Variants in CDH4 observed in about 807,000 individuals in gnomAD.
CDH4 encodes the protein cadherin-4.
CDH4 carries 33 observed loss-of-function variants against 86.0 expected under a neutral mutation model. The ratio of observed to expected loss-of-function variants is 0.38; its 90% confidence interval spans 0.29 to 0.51. The LOEUF (loss-of-function observed/expected upper bound fraction) is 0.51. Among genes scored for constraint, CDH4 ranks in the 20% least tolerant of loss-of-function variants. The probability of loss-of-function intolerance (pLI) is 0.86; values close to 1 mark genes in which losing one functional copy is unlikely to be tolerated. For missense variants in CDH4, 1,114 were observed against 1,307.4 expected (o/e 0.85, Z 2.28); for synonymous variants, 555 against 549.4 (o/e 1.01, Z -0.14).
At chr20:61,821,030 C>A (rs1295149006) in intron 4 of CDH4, among the ~76,000 whole-genome samples, 8 of 151,234 alleles carry the variant, frequency 5.3e-5, no homozygotes, top group Non-Finnish European at 1.2e-4. Flanking sequence ...GTTCCCGCTA[C>A]CCCCCGCCCC....
chr20:61,858,177 G>GTCTC (rs1555849336), intron 6 of CDH4, among the ~76,000 whole-genome samples: 2 of 147,770 alleles, frequency 1.4e-5, no homozygotes, highest in African/African-American at 2.5e-5. Context: ...GTGTGTCTGT[G>GTCTC]TGTGTCTCTG....
At chr20:61,740,981 C>T (rs150069758) in intron 2 of CDH4, 1,992 of 152,390 alleles carry the variant, frequency 0.013, 19 homozygotes, top group Admixed American at 0.02. Flanking sequence ...GAGGCCAAGG[C>T]GGGTGGATCA....
chr20:61,624,975 G>A (rs2086816764), intron 2 of CDH4, among the ~76,000 whole-genome samples: 1 of 152,222 alleles, frequency 6.6e-6, no homozygotes, highest in African/African-American at 2.4e-5. Context: ...TGGCAGGTGA[G>A]CTGAACCCAG....
chr20:61,820,892 G>A (rs975494133), intron 4 of CDH4, among the ~76,000 whole-genome samples: 2 of 152,132 alleles, frequency 1.3e-5, no homozygotes, highest in Non-Finnish European at 2.9e-5. Flanking sequence ...GGGGAAATAT[G>A]ACATGCAGGT....
intron 2 of CDH4, among the ~76,000 whole-genome samples, chr20:61,381,251 A>T (rs1408884437): frequency 1.3e-5 from 2 of 152,166 alleles, no homozygotes; most frequent in East Asian, 3.8e-4. Flanking sequence ...TTGACTCTTG[A>T]TAGGAGTTGC....
intron 2 of CDH4, among the ~76,000 whole-genome samples, chr20:61,540,564 G>A (rs372693351): frequency 4.6e-5 from 7 of 152,142 alleles, no homozygotes; most frequent in East Asian, 3.9e-4. Context: ...TGGGTTCCAC[G>A]TGCCATACGA....
intron 2 of CDH4, among the ~76,000 whole-genome samples, chr20:61,491,207 T>C (rs1354393127): frequency 6.6e-6 from 1 of 152,254 alleles, no homozygotes; most frequent in Non-Finnish European, 1.5e-5. Flanking sequence ...AGCCCAAAGA[T>C]AGCACACTGG....
intron 2 of CDH4, among the ~76,000 whole-genome samples, chr20:61,610,122 C>T (rs944407986): frequency 6.6e-6 from 1 of 152,044 alleles, no homozygotes; most frequent in Non-Finnish European, 1.5e-5. Flanking sequence ...ACCCATGAAC[C>T]GACCTCTCTT....
At chr20:61,774,265 G>A (rs572080643) in intron 4 of CDH4, among the ~76,000 whole-genome samples, 1 of 152,194 alleles carries the variant, frequency 6.6e-6, no homozygotes, top group Non-Finnish European at 1.5e-5. Flanking sequence ...AGATTTTCCT[G>A]TGAAATGCAG....
chr20:61,501,444 G>A lies in CDH4; in HGVS notation c.170-242119G>A, dbSNP rs77697980. ...TTTACCTGGCTACGTACTTGGCCAC[G>A]GAGAGTCCAGGTGGGAAGAATTTAT... On this transcript the variant is annotated intron_variant, in intron 2 of 15. Coordinates refer to ENST00000614565, the MANE Select transcript of CDH4 (RefSeq NM_001794.5). The surrounding 1 kb of genome is among the most constrained non-coding windows in gnomAD (Gnocchi z 4.2). Among the ~76,000 whole-genome samples the A allele has an allele frequency of 0.021, 3,143 of 152,218 alleles. 116 individuals carry two copies. Among genetic ancestry groups the A allele is most frequent in the African/African-American group, 0.07 (2,902 of 41,500 alleles).
chr20:61,651,396 G>A (rs984749508), intron 2 of CDH4, among the ~76,000 whole-genome samples: 14 of 152,344 alleles, frequency 9.2e-5, no homozygotes, highest in South Asian at 2.1e-4. Flanking sequence ...CGAGTCAAGC[G>A]TACAGGGGCC....
At chr20:61,830,763 C>T (rs976654035) in intron 4 of CDH4, among the ~76,000 whole-genome samples, 17 of 152,254 alleles carry the variant, frequency 1.1e-4, no homozygotes, top group African/African-American at 3.1e-4. Flanking sequence ...CTTCACTCCG[C>T]GGTCATTTAC....
intron 2 of CDH4, among the ~76,000 whole-genome samples, chr20:61,716,663 C>T (rs369599749): frequency 3.7e-4 from 57 of 152,294 alleles, no homozygotes; most frequent in African/African-American, 1.3e-3. Context: ...AATCCCAGCA[C>T]TTTGGGAGGC....
At chr20:61,382,438 G>A (rs1224831418) in intron 2 of CDH4, among the ~76,000 whole-genome samples, 1 of 152,200 alleles carries the variant, frequency 6.6e-6, no homozygotes, top group African/African-American at 2.4e-5. Flanking sequence ...GGACCCCTGG[G>A]AGTGGACCTC....
intron 2 of CDH4, among the ~76,000 whole-genome samples, chr20:61,565,363 A>G (rs62199241): frequency 0.053 from 809 of 15,284 alleles, 127 homozygotes; most frequent in Middle Eastern, 0.18. Flanking sequence ...TGATGGGGTG[A>G]TGGTGGTGGT....
At chr20:61,644,781 CCCACCGTCAGCCAGGAACAGCAGT>C (rs138758073) in intron 2 of CDH4, among the ~76,000 whole-genome samples, 28,774 of 152,050 alleles carry the variant, frequency 0.19, 2,810 homozygotes, top group South Asian at 0.28. Flanking sequence ...GAAGGGGCAG[CCCACCGTCAGCCAGGAACAGCAGT>C]CCACAAGCTG....
chr20:61,828,758 A>G (rs1402889251), intron 4 of CDH4, among the ~76,000 whole-genome samples: 1 of 152,052 alleles, frequency 6.6e-6, no homozygotes, highest in Non-Finnish European at 1.5e-5. Context: ...CTGCTTCCTC[A>G]CTTATAAGCT....
At chr20:61,413,712 G>A (rs6089514) in intron 2 of CDH4, among the ~76,000 whole-genome samples, 7,399 of 152,268 alleles carry the variant, frequency 0.049, 252 homozygotes, top group South Asian at 0.087. Flanking sequence ...CCTCCTGCCA[G>A]AACTTCTCTC....
chr20:61,636,912 G>A (rs944271), intron 2 of CDH4, among the ~76,000 whole-genome samples: 21,879 of 152,084 alleles, frequency 0.14, 1,666 homozygotes, highest in South Asian at 0.27. Context: ...ACCAGGGCCG[G>A]GCCACTCACC....
Sources: gnomAD v4.1 joint callset for allele counts (sites outside exome capture counted in the v4.1 genomes callset) on GRCh38, gnomAD v4.1.1 for gene constraint, Gnocchi (gnomAD v3.1) non-coding constraint, MANE v1.5 for transcripts, NCBI Gene and HGNC (gene_info 2026-07-23, HGNC 2026-07-21) for gene names.